Variants in SCNN1A observed in about 807,000 individuals in gnomAD.
The protein encoded by SCNN1A is epithelial sodium channel subunit alpha.
In SCNN1A, 65 loss-of-function variants were observed where a neutral mutation model predicts 68.6. The observed-to-expected ratio is 0.95, with a 90% CI of 0.78 to 1.16. The LOEUF (loss-of-function observed/expected upper bound fraction) is 1.16. SCNN1A is among the 50% of genes most tolerant of loss of function. The pLI, the probability that SCNN1A is intolerant of heterozygous loss-of-function variation, is 0.00. For missense variants in SCNN1A, 880 were observed against 865.9 expected (o/e 1.02, Z -0.20); for synonymous variants, 357 against 353.3 (o/e 1.01, Z -0.12).
intron 3 of SCNN1A, among the ~76,000 whole-genome samples, chr12:6,362,712 C>T (rs565268138): frequency 1.8e-4 from 28 of 151,734 alleles, no homozygotes; most frequent in Non-Finnish European, 2.7e-4. Context: ...GACGAGCTCA[C>T]TCTGTCACTC....
chr12:6,355,564 C>A, intron 5 of SCNN1A, 129 bp from the exon 6 acceptor site: 1 of 1,197,576 alleles, frequency 8.4e-7, no homozygotes, highest in Non-Finnish European at 1.2e-6. Flanking sequence ...GGAAGACCCG[C>A]AAAGGGACCT....
intron 8 of SCNN1A, among the ~76,000 whole-genome samples, chr12:6,353,005 C>T (rs1299269022): frequency 6.6e-6 from 1 of 152,232 alleles, no homozygotes; most frequent in Non-Finnish European, 1.5e-5. Flanking sequence ...GCAGGGGGAA[C>T]AGGCCAGCTG....
chr12:6,367,624 G>A (rs1424775694), intron 2 of SCNN1A, among the ~76,000 whole-genome samples: 1 of 152,216 alleles, frequency 6.6e-6, no homozygotes. Context: ...GGGAGAGGAA[G>A]AGGAATTGAT....
intron 12 of SCNN1A, 89 bp from the exon 13 acceptor site, chr12:6,348,342 C>A: frequency 6.2e-7 from 1 of 1,600,446 alleles, no homozygotes; most frequent in Non-Finnish European, 8.5e-7. Context: ...ACCAAGCTGT[C>A]TCCCTTCATC....
Position 6,347,848 on chromosome 12 carries a change from G to A in SCNN1A, c.*25C>T, listed in dbSNP as rs746692672. On this transcript the variant is annotated 3_prime_UTR_variant, in exon 13 of 13. Transcript: ENST00000228916. ...CTCCCACCAGAGGAGCATCTGCCTT[G>A]GTGTGAGAAACCTCTCCTTCCCTCT... 12 of 1,586,534 alleles carry A rather than the reference G, an allele frequency of 7.6e-6. No homozygotes were observed. Among genetic ancestry groups the A allele is most frequent in the South Asian group, 3.4e-5 (3 of 88,646 alleles).
At chr12:6,362,316 T>C (rs1948593718) in intron 3 of SCNN1A, 75 bp from the exon 4 acceptor site, 4 of 1,297,866 alleles carry the variant, frequency 3.1e-6, no homozygotes, top group Non-Finnish European at 1.1e-6. Context: ...GGGCAAAGAA[T>C]GAGTGATCTG....
chr12:6,355,710 G>T, intron 5 of SCNN1A, 67 bp downstream of exon 5: 1 of 1,150,236 alleles, frequency 8.7e-7, no homozygotes, highest in Non-Finnish European at 1.3e-6. Context: ...TAGGAGGTGA[G>T]CTCAAGGTAA....
At chr12:6,364,299 T>C (rs751126672) in intron 2 of SCNN1A, among the ~76,000 whole-genome samples, 2 of 151,988 alleles carry the variant, frequency 1.3e-5, no homozygotes, top group Admixed American at 6.6e-5. Context: ...CACAGCTCAC[T>C]GTAAATCCCT....
chr12:6,374,274 G>A lies in SCNN1A; in HGVS notation c.416+94C>T. On this transcript the variant is annotated intron_variant, in intron 2 of 12. Transcript: ENST00000228916. This position sits in a 1 kb window ranked among gnomAD's most constrained non-coding sequence, Gnocchi z 6.2. ...ACAGGGGTGTCAGTTCCCACCCTCA[G>A]GTCTGAGGCTCTGCCTGCCCAGTGA... 2 of 1,372,034 alleles carry A rather than the reference G, an allele frequency of 1.5e-6. No homozygotes were observed. Among genetic ancestry groups the A allele is most frequent in the Non-Finnish European group, 1.0e-6 (1 of 991,396 alleles). The allele number at this position is 1,372,034 out of a possible 1,614,324, so 85.0% of individuals were successfully genotyped here.
chr12:6,359,729 T>C (rs1460410032), intron 4 of SCNN1A, among the ~76,000 whole-genome samples: 1 of 149,600 alleles, frequency 6.7e-6, no homozygotes, highest in Non-Finnish European at 1.5e-5. Flanking sequence ...CAATTAAACC[T>C]CTTTCCTTTA....
upstream of SCNN1A, chr12:6,375,774 A>C (rs1055278175): frequency 2.1e-6 from 3 of 1,403,846 alleles, no homozygotes; most frequent in Non-Finnish European, 2.8e-6. Flanking sequence ...TGAGGGGCAA[A>C]GATCTGAACA....
intron 1 of SCNN1A, 131 bp downstream of exon 1, chr12:6,375,374 G>A (rs1334482711): frequency 3.4e-6 from 5 of 1,469,920 alleles, no homozygotes; most frequent in South Asian, 2.7e-5. Context: ...TCCTGATTCT[G>A]TCTCTGCCCC....
rs151266088 is a variant in SCNN1A, at chr12:6,367,464, G to A, written c.417-3754C>T. On this transcript the variant is annotated intron_variant, in intron 2 of 12. Transcript: ENST00000228916. Reference sequence around the variant, plus strand: ...CTCAGCAATAAAAAGGAACTGATACGTGCAAAAAACACAGGGAAGAATTCC... The same window carrying A: ...CTCAGCAATAAAAAGGAACTGATACATGCAAAAAACACAGGGAAGAATTCC... 2.3e-3 allele frequency among the ~76,000 whole-genome samples: 348 copies of A among 152,254 alleles called. 1 individual carries two copies. Among genetic ancestry groups the A allele is most frequent in the African/African-American group, 8.0e-3 (332 of 41,542 alleles).
upstream of SCNN1A, chr12:6,377,240 T>A (rs144722731): frequency 3.2e-4 from 502 of 1,546,694 alleles, 1 homozygote; most frequent in East Asian, 1.0e-2. Context: ...CAAACCAGGT[T>A]CCCTTGCTTA....
At chr12:6,348,905 T>A (rs777715411) in intron 11 of SCNN1A, 45 bp downstream of exon 11, 1 of 1,608,428 alleles carries the variant, frequency 6.2e-7, no homozygotes, top group Non-Finnish European at 8.5e-7. Context: ...CTATTTTCCC[T>A]CCCAAAGATT....
chr12:6,375,126 A>C (rs971281462), intron 1 of SCNN1A: 1 of 1,484,434 alleles, frequency 6.7e-7, no homozygotes, highest in Non-Finnish European at 8.9e-7. Flanking sequence ...TTGTCCTAGC[A>C]CCTCCCTTTC....
intron 8 of SCNN1A, among the ~76,000 whole-genome samples, chr12:6,354,094 G>C (rs1029034054): frequency 6.6e-6 from 1 of 151,822 alleles, no homozygotes; most frequent in East Asian, 2.0e-4. Flanking sequence ...AGCTGGGCGT[G>C]GTGGCGGGTG....
chr12:6,374,346 A>G lies in SCNN1A; in HGVS notation c.416+22T>C, dbSNP rs1169888844. ...CCCTTCCAGGCGCAGGCACCAGGGA[A>G]GGGGCAGAGGGACTAACCGACCTGT... is the stretch of plus-strand genomic sequence containing the variant. On this transcript the variant is annotated intron_variant, in intron 2 of 12. Coordinates refer to ENST00000228916, the MANE Select transcript of SCNN1A (RefSeq NM_001038.6). This position sits in a 1 kb window ranked among gnomAD's most constrained non-coding sequence, Gnocchi z 6.2. 6.2e-7 allele frequency: 1 copy of G among 1,612,372 alleles called. No homozygotes were observed.
At chr12:6,368,908 A>G (rs1207770781) in intron 2 of SCNN1A, among the ~76,000 whole-genome samples, 1 of 152,198 alleles carries the variant, frequency 6.6e-6, no homozygotes, top group Non-Finnish European at 1.5e-5. Context: ...AGATCTGCCT[A>G]CCGCATGAAG....
Sources: allele counts gnomAD v4.1 joint callset (sites outside exome capture counted in the v4.1 genomes callset), GRCh38; gene constraint gnomAD v4.1.1; non-coding constraint Gnocchi (gnomAD v3.1); transcripts MANE v1.5; gene names NCBI Gene and HGNC (gene_info 2026-07-23, HGNC 2026-07-21).